Variants in RALYL observed in about 807,000 individuals in gnomAD.
RALYL encodes the protein RNA-binding Raly-like protein.
Under a neutral mutation model 35.1 loss-of-function variants are expected in RALYL, and 29 were observed. The ratio of observed to expected loss-of-function variants is 0.83; its 90% CI spans 0.61 to 1.13. The LOEUF (loss-of-function observed/expected upper bound fraction) is 1.13. Ranked by LOEUF, RALYL falls within the 50% of genes most tolerant of loss-of-function variation. The pLI, the probability that RALYL is intolerant of heterozygous loss-of-function variation, is 0.00. For missense variants in RALYL, 359 were observed against 360.4 expected (o/e 1.00, Z 0.03); for synonymous variants, 120 against 127.6 (o/e 0.94, Z 0.40).
chr8:84,372,884 C>CTTTTTTTT (rs1586678809), intron 1 of RALYL, among the ~76,000 whole-genome samples: 3 of 18,724 alleles, frequency 1.6e-4, no homozygotes, highest in East Asian at 1.4e-3. Context: ...ATGCCAGCAT[C>CTTTTTTTT]TGTTTTTTTT....
intron 1 of RALYL, among the ~76,000 whole-genome samples, chr8:84,435,454 T>C (rs1291131366): frequency 6.6e-6 from 1 of 152,088 alleles, no homozygotes; most frequent in East Asian, 1.9e-4. Flanking sequence ...CACTAAATAA[T>C]TAGTAGTTTT....
chr8:84,886,416 C>A (rs970750868), intron 7 of RALYL, among the ~76,000 whole-genome samples: 1 of 151,868 alleles, frequency 6.6e-6, no homozygotes, highest in African/African-American at 2.4e-5. Flanking sequence ...GAAATGAATA[C>A]CCTAAAGTTA....
intron 1 of RALYL, among the ~76,000 whole-genome samples, chr8:84,240,390 G>A (rs755275388): frequency 7.9e-5 from 12 of 152,006 alleles, no homozygotes; most frequent in South Asian, 2.1e-4. Flanking sequence ...CTAGAATATC[G>A]AAAGTCTGGC....
intron 2 of RALYL, among the ~76,000 whole-genome samples, chr8:84,620,693 T>C (rs1007986077): frequency 5.9e-5 from 9 of 151,912 alleles, no homozygotes; most frequent in African/African-American, 1.7e-4. Context: ...TTTCCAGTTT[T>C]TCTGTTCTGT....
chr8:84,376,142 T>A (rs1203484021), intron 1 of RALYL, among the ~76,000 whole-genome samples: 1 of 151,842 alleles, frequency 6.6e-6, no homozygotes, highest in Non-Finnish European at 1.5e-5. Flanking sequence ...GTAAGATAGC[T>A]TATGTTGTCA....
At chr8:84,758,932 G>T (rs993765038) in intron 2 of RALYL, among the ~76,000 whole-genome samples, 7 of 152,292 alleles carry the variant, frequency 4.6e-5, no homozygotes, top group African/African-American at 1.7e-4. Context: ...TAGATCAGAA[G>T]TCCAACATAA....
chr8:84,190,157 G>A (rs1813512734), intron 1 of RALYL, among the ~76,000 whole-genome samples: 1 of 152,198 alleles, frequency 6.6e-6, no homozygotes, highest in East Asian at 1.9e-4. Flanking sequence ...TGCAAGGAAA[G>A]CTGAACAGCT....
intron 2 of RALYL, among the ~76,000 whole-genome samples, chr8:84,728,183 G>T (rs1444845273): frequency 6.6e-6 from 1 of 151,572 alleles, no homozygotes; most frequent in Non-Finnish European, 1.5e-5. Context: ...GTGTGAGATG[G>T]TATCTCACTG....
At chr8:84,802,018 C>A (rs570337205) in intron 3 of RALYL, among the ~76,000 whole-genome samples, 36 of 152,224 alleles carry the variant, frequency 2.4e-4, no homozygotes, top group African/African-American at 8.7e-4. Context: ...TTCCTTCCAA[C>A]AAAATAATAT....
intron 2 of RALYL, 139 bp from the exon 3 acceptor site, chr8:84,774,440 T>A (rs1033551193): frequency 1.6e-6 from 1 of 633,162 alleles, no homozygotes; most frequent in East Asian, 2.8e-5. Context: ...AAATGCTCAA[T>A]AAACATATGT....
intron 1 of RALYL, among the ~76,000 whole-genome samples, chr8:84,472,221 C>T (rs2052860484): frequency 6.6e-6 from 1 of 152,062 alleles, no homozygotes; most frequent in Non-Finnish European, 1.5e-5. Flanking sequence ...TCAGAACTTC[C>T]TGTATCCCTG....
intron 2 of RALYL, among the ~76,000 whole-genome samples, chr8:84,746,217 A>G (rs954171425): frequency 5.9e-5 from 9 of 152,074 alleles, no homozygotes; most frequent in African/African-American, 2.2e-4. Context: ...AAAAAATAGC[A>G]AAAACAATCA....
intron 1 of RALYL, among the ~76,000 whole-genome samples, chr8:84,359,852 GA>G (rs1296223409): frequency 1.3e-5 from 2 of 150,610 alleles, no homozygotes; most frequent in Admixed American, 6.6e-5. Context: ...TTAAATTAAT[GA>G]AAATGAAATA....
At chr8:84,291,247 A>T (rs544082641) in intron 1 of RALYL, among the ~76,000 whole-genome samples, 3 of 152,274 alleles carry the variant, frequency 2.0e-5, no homozygotes, top group South Asian at 2.1e-4. Flanking sequence ...AGTCTTATTT[A>T]AAAAAGAAGC....
intron 1 of RALYL, among the ~76,000 whole-genome samples, chr8:84,486,728 A>C (rs147441161): frequency 4.9e-4 from 75 of 152,230 alleles, no homozygotes; most frequent in African/African-American, 1.7e-3. Context: ...GGTTACATTG[A>C]AAGTGAAATA....
intron 2 of RALYL, among the ~76,000 whole-genome samples, chr8:84,707,918 A>G (rs761203494): frequency 4.6e-5 from 7 of 152,128 alleles, no homozygotes; most frequent in Non-Finnish European, 8.8e-5. Flanking sequence ...ATTTTCAGTC[A>G]TATCTTTTAT....
chr8:84,758,456 G>A (rs1166079100), intron 2 of RALYL, among the ~76,000 whole-genome samples: 1 of 152,194 alleles, frequency 6.6e-6, no homozygotes, highest in Non-Finnish European at 1.5e-5. Context: ...GAACCTGAGA[G>A]TAGTTTACCT....
intron 3 of RALYL, among the ~76,000 whole-genome samples, chr8:84,784,499 T>G (rs1417140339): frequency 6.6e-6 from 1 of 152,192 alleles, no homozygotes; most frequent in Non-Finnish European, 1.5e-5. Flanking sequence ...TTTTCCCTAG[T>G]CCATTAAAGT....
In RALYL at chr8:84,764,180, G is replaced by A. The variant is rs767519050; in HGVS notation, c.257-10399G>A. ...TCTCACTGATAGTTCTCAGTGTACT[G>A]CCATGTTCCCAAAGTGTGAAGGCTA... is the stretch of plus-strand genomic sequence containing the variant. On this transcript the variant is annotated intron_variant, in intron 2 of 8. Coordinates refer to ENST00000521268, the MANE Select transcript of RALYL (RefSeq NM_173848.7). Among the ~76,000 whole-genome samples the A allele has an allele frequency of 9.9e-5, 15 of 152,238 alleles. No homozygotes were observed. The East Asian group carries it at 2.9e-3, about 29-fold the overall frequency.
Sources: allele counts gnomAD v4.1 joint callset (sites outside exome capture counted in the v4.1 genomes callset), GRCh38; gene constraint gnomAD v4.1.1; transcripts MANE v1.5; gene names NCBI Gene and HGNC (gene_info 2026-07-23, HGNC 2026-07-21).